Variants in HCN1 observed in about 807,000 individuals in gnomAD.
HCN1 encodes the protein hyperpolarization activated cyclic nucleotide gated potassium channel 1, also known as potassium/sodium hyperpolarization-activated cyclic nucleotide-gated channel 1.
HCN1 carries 13 observed loss-of-function variants against 78.9 expected under a neutral mutation model. The observed-to-expected ratio is 0.16, with a 90% CI of 0.11 to 0.26. The LOEUF (loss-of-function observed/expected upper bound fraction) is 0.26, where lower values mean the gene tolerates loss of function less well. Ranked by LOEUF, HCN1 falls within the 10% of genes least tolerant of loss-of-function variation. The pLI is 1.00. For missense variants in HCN1, 810 were observed against 1,154.3 expected, an observed-to-expected ratio of 0.70 and a Z score of 4.32; for synonymous variants, 552 against 455.5, an observed-to-expected ratio of 1.21 and a Z score of -2.70.
intron 2 of HCN1, among the ~76,000 whole-genome samples, chr5:45,635,902 T>A (rs1486566660): frequency 6.6e-6 from 1 of 152,198 alleles, no homozygotes; most frequent in Non-Finnish European, 1.5e-5. Flanking sequence ...ATCACTCTTT[T>A]GAAATAAAGC....
intron 2 of HCN1, among the ~76,000 whole-genome samples, chr5:45,580,050 CCG>C (rs1180191125): frequency 6.6e-6 from 1 of 151,996 alleles, no homozygotes; most frequent in African/African-American, 2.4e-5. Flanking sequence ...AGCCACAGTC[CCG>C]CTGAGACCTT....
intron 1 of HCN1, among the ~76,000 whole-genome samples, chr5:45,649,592 T>C (rs1745637870): frequency 6.6e-6 from 1 of 152,056 alleles, no homozygotes; most frequent in Non-Finnish European, 1.5e-5. Context: ...TTTTTTTTTT[T>C]ACAACCCTCA....
intron 5 of HCN1, among the ~76,000 whole-genome samples, chr5:45,335,551 C>T (rs1443094871): frequency 6.6e-6 from 1 of 152,026 alleles, no homozygotes; most frequent in African/African-American, 2.4e-5. Context: ...TTTGGTGTCC[C>T]TCCTGAGTAC....
chr5:45,449,851 T>A (rs1196729840), intron 3 of HCN1, among the ~76,000 whole-genome samples: 1 of 152,222 alleles, frequency 6.6e-6, no homozygotes, highest in Non-Finnish European at 1.5e-5. Flanking sequence ...TTTTTCTTTT[T>A]TTGAGACGGA....
At position 45,262,639 on chromosome 5, in the gene HCN1, G is replaced by A. The variant is rs768576555; in HGVS notation, c.1955C>T (p.Ser652Phe). ...CATGCGGGAGGTCGGGGTCGTAGTA[G>A]ACGATGTGGAATTCAGGGTTGTCAT... Reference protein sequence around the residue: ...PQMTTLNSTSSTTTPTSRMRT... With the variant: ...PQMTTLNSTSFTTTPTSRMRT... The change falls in exon 8 of 8, where the codon TCT becomes TTT. Residue 652 changes from serine to phenylalanine, a missense_variant. Ser to Phe is a radical substitution (Grantham distance 155). Coordinates refer to ENST00000303230, the MANE Select transcript of HCN1 (RefSeq NM_021072.4). 2 of 1,614,056 alleles carry A rather than the reference G, an allele frequency of 1.2e-6. No individual in the cohort carries two copies. The highest frequency in any genetic ancestry group is 1.7e-6 in the Non-Finnish European group (2 of 1,180,020).
chr5:45,560,590 T>G (rs1018442797), intron 2 of HCN1, among the ~76,000 whole-genome samples: 4 of 152,014 alleles, frequency 2.6e-5, no homozygotes, highest in Non-Finnish European at 4.4e-5. Context: ...ACCAAAAAGT[T>G]GGTTTCATTG....
chr5:45,380,540 AAT>A (rs1747788453), intron 4 of HCN1, among the ~76,000 whole-genome samples: 1 of 152,104 alleles, frequency 6.6e-6, no homozygotes, highest in Admixed American at 6.6e-5. Flanking sequence ...TGGGTTACTA[AAT>A]ATGTTTATAA....
chr5:45,373,600 T>C (rs904758247), intron 4 of HCN1, among the ~76,000 whole-genome samples: 4 of 139,314 alleles, frequency 2.9e-5, no homozygotes, highest in South Asian at 2.2e-4. Context: ...TTACATACGG[T>C]ATATACGTCA....
At chr5:45,418,720 T>C (rs898480763) in intron 3 of HCN1, among the ~76,000 whole-genome samples, 2 of 152,006 alleles carry the variant, frequency 1.3e-5, no homozygotes, top group Non-Finnish European at 2.9e-5. Flanking sequence ...ATTATGAAAA[T>C]GGAAGCAAAC....
chr5:45,423,190 T>G (rs1375541653), intron 3 of HCN1, among the ~76,000 whole-genome samples: 4 of 152,170 alleles, frequency 2.6e-5, no homozygotes, highest in Non-Finnish European at 5.9e-5. Context: ...ACCCATAAAA[T>G]TTTAAAAATT....
chr5:45,499,434 G>T (rs1235701493), intron 2 of HCN1, among the ~76,000 whole-genome samples: 1 of 152,156 alleles, frequency 6.6e-6, no homozygotes, highest in Non-Finnish European at 1.5e-5. Context: ...GCAATGCCTC[G>T]CCCTGCTTCG....
intron 2 of HCN1, among the ~76,000 whole-genome samples, chr5:45,518,201 G>A (rs1338288258): frequency 3.3e-5 from 5 of 152,078 alleles, no homozygotes; most frequent in African/African-American, 4.8e-5. Flanking sequence ...CATAGTCTAT[G>A]ATGTACAACA....
At chr5:45,623,465 G>T (rs948262368) in intron 2 of HCN1, among the ~76,000 whole-genome samples, 1 of 152,114 alleles carries the variant, frequency 6.6e-6, no homozygotes, top group African/African-American at 2.4e-5. Context: ...TTAGACATGA[G>T]ATTCTCAAGA....
chr5:45,622,513 C>CA (rs543661638), intron 2 of HCN1, among the ~76,000 whole-genome samples: 84 of 151,930 alleles, frequency 5.5e-4, no homozygotes, highest in Admixed American at 3.2e-3. Flanking sequence ...ATTTTTTCTC[C>CA]AAAAAGACAG....
intron 2 of HCN1, among the ~76,000 whole-genome samples, chr5:45,556,134 G>A (rs1180817284): frequency 3.3e-5 from 5 of 151,900 alleles, no homozygotes; most frequent in African/African-American, 1.2e-4. Flanking sequence ...AAACTCCCCA[G>A]GACATTGGAC....
intron 4 of HCN1, among the ~76,000 whole-genome samples, chr5:45,378,130 G>A (rs1747727899): frequency 6.6e-6 from 1 of 151,744 alleles, no homozygotes; most frequent in Non-Finnish European, 1.5e-5. Flanking sequence ...TTACAGATGA[G>A]GAAAAGAAAC....
In HCN1 at chr5:45,577,551, T is replaced by G. The variant is rs544117305; in HGVS notation, c.849+67634A>C. 9.2e-5 allele frequency among the ~76,000 whole-genome samples: 14 copies of G among 152,214 alleles called. No homozygotes were observed. The South Asian group carries it at 2.9e-3, about 32-fold the overall frequency. On this transcript the variant is annotated intron_variant, in intron 2 of 7. Coordinates refer to ENST00000303230, the MANE Select transcript of HCN1 (RefSeq NM_021072.4). ...AGGCCTAGCATAAATTTGTGATTAT[T>G]TATGTATTAAATAGTTCCCAATTTT... is the stretch of plus-strand genomic sequence containing the variant.
At position 45,445,392 on chromosome 5, in the gene HCN1, C is replaced by A. The variant is rs568019296; in HGVS notation, c.1011+16454G>T. ...CAACAAAGCAGCCCCCAGGCTTGAA[C>A]TGGGTGGAGCCCACCACAGCTCAAG... On this transcript the variant is annotated intron_variant, in intron 3 of 7. Coordinates refer to ENST00000303230, the MANE Select transcript of HCN1 (RefSeq NM_021072.4). 3.3e-5 allele frequency among the ~76,000 whole-genome samples: 5 copies of A among 152,336 alleles called. No homozygotes were observed. In the South Asian group the frequency reaches 1.0e-3, roughly 32 times the overall value.
intron 4 of HCN1, 81 bp from the exon 5 acceptor site, chr5:45,353,327 C>A: frequency 1.9e-6 from 2 of 1,073,676 alleles, no homozygotes; most frequent in South Asian, 1.4e-5. Flanking sequence ...TTGCTATATT[C>A]AATAATATTT....
Sources: allele counts gnomAD v4.1 joint callset (sites outside exome capture counted in the v4.1 genomes callset), GRCh38; gene constraint gnomAD v4.1.1; transcripts MANE v1.5; gene names NCBI Gene and HGNC (gene_info 2026-07-23, HGNC 2026-07-21).